Variants in HERC2 observed in about 807,000 individuals in gnomAD.
HERC2 encodes HECT and RLD domain containing E3 ubiquitin protein ligase 2, also known as E3 ubiquitin-protein ligase HERC2.
HERC2 carries 102 observed loss-of-function variants against 537.7 expected under a neutral mutation model. The observed-to-expected ratio is 0.19, with a 90% CI of 0.16 to 0.22. HERC2 has a LOEUF of 0.22. HERC2 is among the 10% of genes least tolerant of loss of function. The probability of loss-of-function intolerance (pLI) is 1.00; values close to 1 mark genes in which losing one functional copy is unlikely to be tolerated. For missense variants in HERC2, 4,236 were observed against 6,198.2 expected (o/e 0.68, Z 10.63); for synonymous variants, 2,224 against 2,466.2 (o/e 0.90, Z 2.91).
intron 69 of HERC2, among the ~76,000 whole-genome samples, chr15:28,154,201 T>A (rs1892750570): frequency 6.6e-6 from 1 of 152,252 alleles, no homozygotes; most frequent in Admixed American, 6.5e-5. Context: ...ACTCTTCTAA[T>A]GCCCATTCTA....
chr15:28,143,744 T>A, intron 74 of HERC2, 129 bp downstream of exon 74: 1 of 1,232,722 alleles, frequency 8.1e-7, no homozygotes, highest in Non-Finnish European at 1.1e-6. Context: ...CCGCGCCCGG[T>A]CCAAGGCCTC....
intron 3 of HERC2, among the ~76,000 whole-genome samples, chr15:28,295,973 T>G (rs2076458559): frequency 6.6e-6 from 1 of 151,924 alleles, no homozygotes; most frequent in African/African-American, 2.4e-5. Context: ...ACCCTACATC[T>G]GGCTATAAAT....
intron 77 of HERC2, 23 bp downstream of exon 77, chr15:28,141,708 C>T: frequency 6.2e-7 from 1 of 1,611,122 alleles, no homozygotes; most frequent in Non-Finnish European, 8.5e-7. Context: ...ATCGACATTA[C>T]TGCTTGTTTC....
chr15:28,187,526 T>A (rs1233490814), intron 55 of HERC2, among the ~76,000 whole-genome samples: 1 of 152,026 alleles, frequency 6.6e-6, no homozygotes, highest in African/African-American at 2.4e-5. Context: ...AGAGACAAGG[T>A]TTCACCATGT....
In HERC2 at chr15:28,145,231, A is replaced by T. The variant is rs575077771; in HGVS notation, c.11009-427T>A. Among the ~76,000 whole-genome samples, 3 of 152,364 alleles carry T rather than the reference A, an allele frequency of 2.0e-5. No homozygotes were observed. In the East Asian group the frequency reaches 5.8e-4, roughly 29 times the overall value. On this transcript the variant is annotated intron_variant, in intron 71 of 92. Transcript: ENST00000261609. ...AGAAGGAAGAACCCTAGCTCTCCCA[A>T]CAAAAGGCCTATGTGTGTGGTTCAG...
intron 69 of HERC2, among the ~76,000 whole-genome samples, chr15:28,153,951 C>T (rs1363609030): frequency 6.6e-6 from 1 of 152,100 alleles, no homozygotes; most frequent in Non-Finnish European, 1.5e-5. Flanking sequence ...CAGGAGGGAC[C>T]GCCGACCCCA....
chr15:28,177,513 C>T lies in HERC2; in HGVS notation c.9164-4G>A, dbSNP rs775945243. 6.2e-6 allele frequency: 10 copies of T among 1,614,032 alleles called. No individual in the cohort carries two copies. The South Asian group carries it at 9.9e-5, about 16-fold the overall frequency. ...AAAGCCGTCGCGTGCCGGCCACCTG[C>T]AACATTCACAGACACACGGATTGCC... On this transcript the variant is annotated splice_region_variant and splice_polypyrimidine_tract_variant and intron_variant, in intron 59 of 92. Coordinates refer to ENST00000261609, the MANE Select transcript of HERC2 (RefSeq NM_004667.6). This position sits in a 1 kb window ranked among gnomAD's most constrained non-coding sequence, Gnocchi z 5.0.
chr15:28,174,580 T>C lies in HERC2; in HGVS notation c.9872A>G (p.Asn3291Ser). 4.3e-6 allele frequency: 7 copies of C among 1,613,584 alleles called. No homozygotes were observed. Among genetic ancestry groups the C allele is most frequent in the African/African-American group, 1.3e-5 (1 of 75,072 alleles). The change falls in exon 65 of 93, where the codon AAT (asparagine) becomes AGT (serine). Residue 3291 changes from asparagine (N) to serine (S), a missense_variant. Transcript: ENST00000261609. The stretch of plus-strand genomic sequence containing the variant: ...CTTCCTGTTAACCGTGGTCGTGCCA[T>C]TGCCCTGCTGGCCGTGGTCGTTGTC... ...WGDNDHGQQG[N>S]GTTTVNRKPT...
chr15:28,181,355 A>G (rs1895799093), intron 57 of HERC2, among the ~76,000 whole-genome samples: 1 of 152,220 alleles, frequency 6.6e-6, no homozygotes, highest in South Asian at 2.1e-4. Flanking sequence ...CGCAGCTGAG[A>G]CACTCACAGC....
intron 5 of HERC2, among the ~76,000 whole-genome samples, chr15:28,279,057 T>C (rs2141041583): frequency 6.6e-6 from 1 of 152,284 alleles, no homozygotes; most frequent in East Asian, 1.9e-4. Flanking sequence ...GCTGGCACAA[T>C]CTCCGCTCAC....
rs1321353947 is a variant in HERC2 at position 28,295,312 on chromosome 15, G to C, written c.188-2290C>G. On this transcript the variant is annotated intron_variant, in intron 3 of 92. Transcript: ENST00000261609. Reference sequence around the variant, plus strand: ...AGACTCTGTCCTACATGTGTGTGGGGGGGGGGGAGTGGGGGGGAGGCGGTG... The same window carrying C: ...AGACTCTGTCCTACATGTGTGTGGGCGGGGGGGAGTGGGGGGGAGGCGGTG... Among the ~76,000 whole-genome samples the C allele has an allele frequency of 9.3e-4, 130 of 139,066 alleles. 2 individuals are homozygous for C. In the South Asian group the frequency reaches 0.024, roughly 25 times the overall value. The allele number at this position is 139,066 out of a possible 152,430, so 91.2% of individuals were successfully genotyped here. A position where few individuals can be genotyped will look rare whatever the true frequency, so the allele number is the denominator to read the frequency against.
At position 28,274,222 on chromosome 15, in the gene HERC2, G is replaced by A. The variant is rs1036256139; in HGVS notation, c.800+69C>T. The A allele has an allele frequency of 3.9e-6, 6 of 1,533,414 alleles. No homozygotes were observed. The African/African-American group carries it at 8.3e-5, about 21-fold the overall frequency. The allele number at this position is 1,533,414 out of a possible 1,614,324, so 95.0% of individuals were successfully genotyped here. A position where few individuals can be genotyped will look rare whatever the true frequency, so the allele number is the denominator to read the frequency against. On this transcript the variant is annotated intron_variant, in intron 7 of 92. Transcript: ENST00000261609. ...ACTAGGCTTCTTAGCTCTAAAGCAAGGGTGGTAAGAACCAGCCTCAAGCAG... is the reference window on the plus strand; with the variant it reads ...ACTAGGCTTCTTAGCTCTAAAGCAAAGGTGGTAAGAACCAGCCTCAAGCAG...
Position 28,199,570 on chromosome 15 carries a change from T to A in HERC2, c.7717-801A>T, listed in dbSNP as rs1897696407. Reference sequence around the variant, plus strand: ...TTCCAGCTAATGAACTCAGAGAAGATGAAGTTAGAAAATCACTATGGTGCA... The same window carrying A: ...TTCCAGCTAATGAACTCAGAGAAGAAGAAGTTAGAAAATCACTATGGTGCA... On this transcript the variant is annotated intron_variant, in intron 48 of 92. Coordinates refer to ENST00000261609, the MANE Select transcript of HERC2 (RefSeq NM_004667.6). 2.0e-5 allele frequency among the ~76,000 whole-genome samples: 3 copies of A among 152,268 alleles called. No homozygotes were observed. In the South Asian group the frequency reaches 6.2e-4, roughly 32 times the overall value.
In HERC2 at chr15:28,139,896, T is replaced by C. The variant is rs1159350967; in HGVS notation, c.12015+1536A>G. On this transcript the variant is annotated intron_variant, in intron 78 of 92. Transcript: ENST00000261609. Reference sequence around the variant, plus strand: ...CAATATGGCGAAACCCCATCTCTACTAAAAAAAAAAAAAAAAAAAAGATTA... The same window carrying C: ...CAATATGGCGAAACCCCATCTCTACCAAAAAAAAAAAAAAAAAAAAGATTA... 2.0e-3 allele frequency among the ~76,000 whole-genome samples: 252 copies of C among 125,906 alleles called. 1 individual carries two copies. Among genetic ancestry groups the C allele is most frequent in the African/African-American group, 7.5e-3 (236 of 31,362 alleles). The allele number at this position is 125,906 out of a possible 152,430, so 82.6% of individuals were successfully genotyped here.
Position 28,202,267 on chromosome 15 carries a change from A to T in HERC2, c.7481-18T>A. 1.2e-6 allele frequency: 2 copies of T among 1,612,610 alleles called. No homozygotes were observed. Among genetic ancestry groups the T allele is most frequent in the Non-Finnish European group, 1.7e-6 (2 of 1,178,816 alleles). The stretch of plus-strand genomic sequence containing the variant: ...TTCCACACCTAAGAGAGGCACACAC[A>T]GCACAGCAGCCACTGTGAGTCAACA... On this transcript the variant is annotated intron_variant, in intron 46 of 92. Transcript: ENST00000261609.
intron 2 of HERC2, among the ~76,000 whole-genome samples, chr15:28,309,676 C>G (rs1300974623): frequency 3.3e-5 from 5 of 151,504 alleles, no homozygotes; most frequent in Admixed American, 1.3e-4. Context: ...CTCCAGATGA[C>G]AGCGTGCCCT....
intron 4 of HERC2, among the ~76,000 whole-genome samples, chr15:28,287,357 G>C (rs139207881): frequency 2.2e-4 from 33 of 152,214 alleles, no homozygotes; most frequent in East Asian, 7.7e-4. Flanking sequence ...CTGCCAGGTA[G>C]AGAGTCGGTT....
At position 28,111,832 on chromosome 15, in the gene HERC2, G is replaced by A. The variant is rs764469173; in HGVS notation, c.14436C>T (p.Asp4812=). 16 of 1,614,048 alleles carry A rather than the reference G, an allele frequency of 9.9e-6. No individual in the cohort carries two copies. The highest frequency in any genetic ancestry group is 4.5e-5 in the East Asian group (2 of 44,886). ...AGTCGACATCCTCGTTATCTGAATCGTCGCTGCTGTCGTCGGCGGCTGGCT... is the reference window on the plus strand; with the variant it reads ...AGTCGACATCCTCGTTATCTGAATCATCGCTGCTGTCGTCGGCGGCTGGCT... ...TGEPAADDSS[D]DSDNEDVDSF... is the part of the protein sequence containing the mutation. The change falls in exon 93 of 93, where the codon GAC becomes GAT. Residue 4812 remains aspartate (D), a synonymous_variant. Coordinates refer to ENST00000261609, the MANE Select transcript of HERC2 (RefSeq NM_004667.6).
In HERC2 at chr15:28,143,821, T is replaced by C. The variant is rs539002503; in HGVS notation, c.11418+52A>G. The C allele has an allele frequency of 6.8e-6, 11 of 1,610,046 alleles. No homozygotes were observed. In the Admixed American group the frequency reaches 1.3e-4, roughly 20 times the overall value. On this transcript the variant is annotated intron_variant, in intron 74 of 92. Transcript: ENST00000261609. ...AGAGGTTTAGACTACTAAAGCAACA[T>C]TTTATTCCCCAAGGGTCACAAATCT...
Sources: allele counts gnomAD v4.1 joint callset (sites outside exome capture counted in the v4.1 genomes callset), GRCh38; gene constraint gnomAD v4.1.1; non-coding constraint Gnocchi (gnomAD v3.1); transcripts MANE v1.5; gene names NCBI Gene and HGNC (gene_info 2026-07-23, HGNC 2026-07-21).